CNTNAP2: variants seen among roughly 807,000 people sequenced by gnomAD.
The protein encoded by CNTNAP2 is contactin associated protein 2, also known as contactin-associated protein-like 2.
In CNTNAP2, 98 loss-of-function variants were observed where a neutral mutation model predicts 155.2. The ratio of observed to expected loss-of-function variants is 0.63; its 90% CI spans 0.54 to 0.75. The LOEUF (loss-of-function observed/expected upper bound fraction) is 0.75, where lower values mean the gene tolerates loss of function less well. CNTNAP2 is among the 30% of genes least tolerant of loss of function. The pLI is 0.00. For missense variants in CNTNAP2, 1,727 were observed against 1,688.1 expected (o/e 1.02, Z -0.40); for synonymous variants, 651 against 631.2 (o/e 1.03, Z -0.47).
chr7:148,257,114 G>A (rs1796468704), intron 20 of CNTNAP2, among the ~76,000 whole-genome samples: 1 of 152,034 alleles, frequency 6.6e-6, no homozygotes, highest in Non-Finnish European at 1.5e-5. Flanking sequence ...TGAGAGTCAG[G>A]TCACAGCACA....
At chr7:146,533,523 T>A (rs1466982542) in intron 1 of CNTNAP2, among the ~76,000 whole-genome samples, 1 of 152,336 alleles carries the variant, frequency 6.6e-6, no homozygotes, top group Admixed American at 6.5e-5. Context: ...AAAGTGATTG[T>A]TCCTGATAGA....
rs539207626 is a variant in CNTNAP2, at chr7:148,283,117, T to A, written c.3475+15991T>A. 7.4e-5 allele frequency among the ~76,000 whole-genome samples: 11 copies of A among 147,900 alleles called. No homozygotes were observed. The South Asian group carries it at 2.5e-3, about 33-fold the overall frequency. On this transcript the variant is annotated intron_variant, in intron 21 of 23. Coordinates refer to ENST00000361727, the MANE Select transcript of CNTNAP2 (RefSeq NM_014141.6). ...AGCCAGGTATGGTGGCAGGCACCTG[T>A]AAGCTCAGCTACTTGGGAGGCTGAG...
At position 148,119,061 on chromosome 7, in the gene CNTNAP2, C is replaced by T. The variant is rs933340888; in HGVS notation, c.2554+773C>T. On this transcript the variant is annotated intron_variant, in intron 16 of 23. Transcript: ENST00000361727. ...ATTCAGCTTTAGGAAGTTACAATCC[C>T]CTGACTTCCAGGCCAGTTGATTATT... Among the ~76,000 whole-genome samples, 4 of 152,162 alleles carry T rather than the reference C, an allele frequency of 2.6e-5. No homozygotes were observed. In the East Asian group the frequency reaches 7.7e-4, roughly 29 times the overall value.
At chr7:147,723,299 G>C (rs1417589374) in intron 13 of CNTNAP2, among the ~76,000 whole-genome samples, 1 of 152,046 alleles carries the variant, frequency 6.6e-6, no homozygotes, top group Non-Finnish European at 1.5e-5. Context: ...ATGAAAAATG[G>C]CATGTGTAGT....
chr7:146,757,646 G>A (rs1266445591), intron 1 of CNTNAP2, among the ~76,000 whole-genome samples: 1 of 152,100 alleles, frequency 6.6e-6, no homozygotes, highest in Non-Finnish European at 1.5e-5. Context: ...ACAACTAAAT[G>A]GAAATTAGAA....
chr7:146,758,557 C>CAT, intron 1 of CNTNAP2, among the ~76,000 whole-genome samples: 2 of 152,212 alleles, frequency 1.3e-5, no homozygotes, highest in South Asian at 4.1e-4. Context: ...GGAGGCTTTG[C>CAT]AATCATGGCA....
At chr7:146,870,920 A>G (rs1795292843) in intron 3 of CNTNAP2, among the ~76,000 whole-genome samples, 1 of 152,202 alleles carries the variant, frequency 6.6e-6, no homozygotes, top group Non-Finnish European at 1.5e-5. Flanking sequence ...GGAAAAATGA[A>G]TGCCAAAAAT....
intron 8 of CNTNAP2, among the ~76,000 whole-genome samples, chr7:147,268,294 C>T (rs1204510854): frequency 6.6e-6 from 1 of 152,024 alleles, no homozygotes; most frequent in South Asian, 2.1e-4. Context: ...AGATAATGAC[C>T]AAATTTATAT....
chr7:147,944,529 TAA>T (rs1285205732), intron 14 of CNTNAP2, among the ~76,000 whole-genome samples: 1 of 152,204 alleles, frequency 6.6e-6, no homozygotes, highest in Non-Finnish European at 1.5e-5. Context: ...AAAATAATGT[TAA>T]GAGACATATG....
At chr7:147,547,661 G>T (rs1159360589) in intron 11 of CNTNAP2, among the ~76,000 whole-genome samples, 3 of 151,556 alleles carry the variant, frequency 2.0e-5, no homozygotes, top group Non-Finnish European at 2.9e-5. Context: ...AACAACAACG[G>T]GATACATGTG....
At chr7:146,552,366 C>T (rs1310831050) in intron 1 of CNTNAP2, among the ~76,000 whole-genome samples, 1 of 152,042 alleles carries the variant, frequency 6.6e-6, no homozygotes, top group Non-Finnish European at 1.5e-5. Context: ...AATCTTGGTG[C>T]TATCATTGTC....
At chr7:147,506,712 G>T (rs563849657) in intron 11 of CNTNAP2, among the ~76,000 whole-genome samples, 2 of 152,292 alleles carry the variant, frequency 1.3e-5, no homozygotes, top group South Asian at 4.1e-4. Context: ...AATCAAAGCT[G>T]GGCTTTAGCA....
At chr7:147,451,357 A>G (rs770612205) in intron 10 of CNTNAP2, among the ~76,000 whole-genome samples, 1 of 152,190 alleles carries the variant, frequency 6.6e-6, no homozygotes, top group Non-Finnish European at 1.5e-5. Context: ...ACCACTAATA[A>G]TATCTCGTTG....
At chr7:146,338,990 G>C (rs28410640) in intron 1 of CNTNAP2, among the ~76,000 whole-genome samples, 18,887 of 151,714 alleles carry the variant, frequency 0.12, 2,235 homozygotes, top group African/African-American at 0.31. Context: ...CAAGACCAGC[G>C]TGGCCAACAT....
chr7:147,198,018 C>T (rs940578894), intron 8 of CNTNAP2, among the ~76,000 whole-genome samples: 4 of 152,104 alleles, frequency 2.6e-5, no homozygotes, highest in Admixed American at 6.5e-5. Context: ...TCCTATGATT[C>T]TTTAAAAATA....
At chr7:147,302,737 T>G (rs189380185) in intron 9 of CNTNAP2, among the ~76,000 whole-genome samples, 1 of 152,390 alleles carries the variant, frequency 6.6e-6, no homozygotes, top group African/African-American at 2.4e-5. Flanking sequence ...AGATTCTTTT[T>G]GTAAAACATC....
At chr7:146,611,313 G>T (rs1216395730) in intron 1 of CNTNAP2, among the ~76,000 whole-genome samples, 1 of 152,142 alleles carries the variant, frequency 6.6e-6, no homozygotes, top group African/African-American at 2.4e-5. Context: ...CTATTCTCAA[G>T]CCCCTGGGCT....
chr7:147,291,919 G>A (rs1388109227), intron 8 of CNTNAP2, among the ~76,000 whole-genome samples: 3 of 152,018 alleles, frequency 2.0e-5, no homozygotes, highest in African/African-American at 2.4e-5. Flanking sequence ...TCTTTATTTG[G>A]GATGTGACTT....
chr7:147,114,605 C>G (rs765958798), intron 5 of CNTNAP2, among the ~76,000 whole-genome samples: 10 of 152,148 alleles, frequency 6.6e-5, no homozygotes, highest in Non-Finnish European at 1.2e-4. Context: ...GGGTTAAAGT[C>G]TGTTTTGTCA....
Sources: gnomAD v4.1 joint callset for allele counts (sites outside exome capture counted in the v4.1 genomes callset) on GRCh38, gnomAD v4.1.1 for gene constraint, MANE v1.5 for transcripts, NCBI Gene and HGNC (gene_info 2026-07-23, HGNC 2026-07-21) for gene names.